Variants in PCDH9 observed in about 807,000 individuals in gnomAD.
PCDH9 encodes protocadherin-9.
In PCDH9, 24 loss-of-function variants were observed where a neutral mutation model predicts 70.6. That is an observed-to-expected ratio of 0.34 (90% CI 0.25 to 0.48). The LOEUF is 0.48. PCDH9 is among the 20% of genes least tolerant of loss of function. The pLI, the probability that PCDH9 is intolerant of heterozygous loss-of-function variation, is 0.99. For synonymous variants in PCDH9, 562 were observed against 558.5 expected (o/e 1.01, Z -0.09); for missense variants, 1,281 against 1,503.6 (o/e 0.85, Z 2.45).
intron 4 of PCDH9, among the ~76,000 whole-genome samples, chr13:66,416,726 C>G (rs565064494): frequency 1.3e-5 from 2 of 152,210 alleles, no homozygotes; most frequent in Non-Finnish European, 2.9e-5. Context: ...AGGGTTCACA[C>G]GTAGAATTTT....
chr13:66,903,125 G>A (rs570766830), intron 3 of PCDH9, among the ~76,000 whole-genome samples: 1 of 151,776 alleles, frequency 6.6e-6, no homozygotes, highest in African/African-American at 2.4e-5. Context: ...GAGATGAATC[G>A]AATTAACCTT....
intron 2 of PCDH9, among the ~76,000 whole-genome samples, chr13:67,023,194 TAGA>T (rs766352583): frequency 2.0e-5 from 3 of 152,138 alleles, no homozygotes; most frequent in Non-Finnish European, 2.9e-5. Flanking sequence ...GCCGTTCTTT[TAGA>T]AGAATATTTG....
intron 3 of PCDH9, among the ~76,000 whole-genome samples, chr13:66,816,273 C>T (rs2080603242): frequency 1.3e-5 from 2 of 152,066 alleles, no homozygotes; most frequent in Non-Finnish European, 2.9e-5. Flanking sequence ...ACACTATTTC[C>T]AGGACACTGT....
intron 3 of PCDH9, among the ~76,000 whole-genome samples, chr13:66,757,180 C>T (rs138920244): frequency 7.8e-4 from 119 of 152,246 alleles, no homozygotes; most frequent in African/African-American, 2.6e-3. Context: ...TTGCGGTCTT[C>T]GGTGCTCTGT....
intron 4 of PCDH9, among the ~76,000 whole-genome samples, chr13:66,427,862 G>A (rs1284421107): frequency 1.3e-5 from 2 of 151,490 alleles, no homozygotes; most frequent in African/African-American, 4.8e-5. Flanking sequence ...TTAACTCCCA[G>A]GAGATATTTC....
At chr13:66,653,987 T>G (rs9529113) in intron 3 of PCDH9, among the ~76,000 whole-genome samples, 1 of 144,398 alleles carries the variant, frequency 6.9e-6, no homozygotes, top group South Asian at 2.1e-4. Context: ...AAAAAAAAAA[T>G]AGAAAGAAAA....
chr13:66,498,409 T>C (rs1959151283), intron 4 of PCDH9, among the ~76,000 whole-genome samples: 1 of 152,010 alleles, frequency 6.6e-6, no homozygotes, highest in Non-Finnish European at 1.5e-5. Context: ...CTACAAGGTT[T>C]TCCCAGTCTA....
intron 4 of PCDH9, among the ~76,000 whole-genome samples, chr13:66,372,505 T>C (rs911125228): frequency 4.6e-5 from 7 of 151,372 alleles, no homozygotes; most frequent in African/African-American, 1.7e-4. Flanking sequence ...TGAAGGGAAA[T>C]GGTAGAAGCT....
intron 3 of PCDH9, among the ~76,000 whole-genome samples, chr13:66,690,859 C>T (rs1022757656): frequency 6.6e-6 from 1 of 152,088 alleles, no homozygotes; most frequent in Non-Finnish European, 1.5e-5. Flanking sequence ...TAACTACATG[C>T]TAGAATGCAA....
At chr13:67,046,411 A>T (rs1440805811) in intron 2 of PCDH9, among the ~76,000 whole-genome samples, 1 of 152,206 alleles carries the variant, frequency 6.6e-6, no homozygotes, top group Non-Finnish European at 1.5e-5. Context: ...AAGCTGAGTA[A>T]CATCTTAATA....
intron 3 of PCDH9, among the ~76,000 whole-genome samples, chr13:66,772,217 T>C (rs377129832): frequency 4.6e-5 from 7 of 152,190 alleles, no homozygotes; most frequent in African/African-American, 1.7e-4. Context: ...TCTGATCAGA[T>C]TTGCTCTAGC....
At chr13:66,686,703 G>C (rs190642747) in intron 3 of PCDH9, among the ~76,000 whole-genome samples, 141 of 152,216 alleles carry the variant, frequency 9.3e-4, no homozygotes, top group African/African-American at 3.1e-3. Flanking sequence ...TTGCTAATCA[G>C]TGTGTAGTTT....
At chr13:66,424,471 G>A (rs1957631272) in intron 4 of PCDH9, among the ~76,000 whole-genome samples, 1 of 151,892 alleles carries the variant, frequency 6.6e-6, no homozygotes, top group African/African-American at 2.4e-5. Flanking sequence ...AAGAACACAA[G>A]CAACAAGTGA....
chr13:66,642,699 A>T (rs1006038915), intron 3 of PCDH9, among the ~76,000 whole-genome samples: 1 of 152,008 alleles, frequency 6.6e-6, no homozygotes, highest in Non-Finnish European at 1.5e-5. Flanking sequence ...AGTATTTTTT[A>T]AAAAAAGAAA....
At position 66,404,849 on chromosome 13, in the gene PCDH9, T is replaced by C. The variant is rs187217959; in HGVS notation, c.3341-99821A>G. On this transcript the variant is annotated intron_variant, in intron 4 of 4. Transcript: ENST00000377865. ...AAGATATACTTACTTACTTCACTTATGTGTTTTGTGTGATTTTTAATGGGA... is the reference window on the plus strand; with the variant it reads ...AAGATATACTTACTTACTTCACTTACGTGTTTTGTGTGATTTTTAATGGGA... Among the ~76,000 whole-genome samples the C allele has an allele frequency of 5.4e-3, 816 of 152,300 alleles. 3 individuals carry two copies. The highest frequency in any genetic ancestry group is 8.1e-3 in the Non-Finnish European group (554 of 68,000).
At chr13:66,956,779 C>T (rs551465772) in intron 2 of PCDH9, among the ~76,000 whole-genome samples, 2 of 152,168 alleles carry the variant, frequency 1.3e-5, no homozygotes, top group South Asian at 4.1e-4. Flanking sequence ...AGAAATGTGA[C>T]TATGTGTCAT....
At chr13:66,686,931 C>T (rs1303509181) in intron 3 of PCDH9, among the ~76,000 whole-genome samples, 1 of 152,094 alleles carries the variant, frequency 6.6e-6, no homozygotes, top group Admixed American at 6.6e-5. Flanking sequence ...AGACTGAATA[C>T]AGAGAAATGG....
At chr13:66,617,018 G>A (rs543764224) in intron 4 of PCDH9, among the ~76,000 whole-genome samples, 5 of 152,290 alleles carry the variant, frequency 3.3e-5, no homozygotes, top group Non-Finnish European at 2.9e-5. Context: ...GATTCCTGCT[G>A]ATTAAGCCAA....
At chr13:66,659,553 T>TGTGTGTGTGTGTGTGTGTGTGTGTGTG (rs59132032) in intron 3 of PCDH9, among the ~76,000 whole-genome samples, 2,193 of 148,820 alleles carry the variant, frequency 0.015, 60 homozygotes, top group East Asian at 0.045. Context: ...GTGTGTGTGT[T>TGTGTGTGTGTGTGTGTGTGTGTGTGTG]TGTGTGTGTT....
Sources: allele counts gnomAD v4.1 joint callset (sites outside exome capture counted in the v4.1 genomes callset), GRCh38; gene constraint gnomAD v4.1.1; transcripts MANE v1.5; gene names NCBI Gene and HGNC (gene_info 2026-07-23, HGNC 2026-07-21).